The following MYO1F variants were observed in gnomAD, a reference collection of about 807,000 sequenced individuals.
The protein encoded by MYO1F is unconventional myosin-If.
MYO1F carries 60 observed loss-of-function variants against 146.6 expected under a neutral mutation model. The observed-to-expected ratio is 0.41, with a 90% CI of 0.33 to 0.51. The LOEUF is 0.51. Ranked by LOEUF, MYO1F falls within the 20% of genes least tolerant of loss-of-function variation. The probability of loss-of-function intolerance (pLI) is 0.25; values close to 1 mark genes in which losing one functional copy is unlikely to be tolerated. For missense variants in MYO1F, 1,274 were observed against 1,534.3 expected, an observed-to-expected ratio of 0.83 and a Z score of 2.83; for synonymous variants, 602 against 602.1, an observed-to-expected ratio of 1.00 and a Z score of 0.00.
intron 1 of MYO1F, among the ~76,000 whole-genome samples, chr19:8,560,338 A>G (rs1475691834): frequency 6.6e-6 from 1 of 151,468 alleles, no homozygotes; most frequent in Non-Finnish European, 1.5e-5. Flanking sequence ...CAAAAAAAGT[A>G]GCCGGGTGTG....
chr19:8,568,926 C>G (rs1412379441), intron 1 of MYO1F, among the ~76,000 whole-genome samples: 1 of 151,916 alleles, frequency 6.6e-6, no homozygotes, highest in Admixed American at 6.6e-5. Flanking sequence ...ATCTCAACAA[C>G]AACAAATAAC....
intron 19 of MYO1F, among the ~76,000 whole-genome samples, chr19:8,535,338 C>T (rs529704674): frequency 9.9e-5 from 15 of 152,142 alleles, no homozygotes; most frequent in Admixed American, 4.6e-4. Context: ...ATTTCTACCC[C>T]GTCCGTCTTC....
At chr19:8,566,958 T>A (rs1359167722) in intron 1 of MYO1F, among the ~76,000 whole-genome samples, 1 of 152,016 alleles carries the variant, frequency 6.6e-6, no homozygotes, top group African/African-American at 2.4e-5. Flanking sequence ...ATTACAGGCG[T>A]AAGCCACCAG....
chr19:8,538,772 A>G (rs1972836132), intron 16 of MYO1F, among the ~76,000 whole-genome samples: 1 of 151,818 alleles, frequency 6.6e-6, no homozygotes, highest in Non-Finnish European at 1.5e-5. Context: ...TTTATTTTTT[A>G]TAGAGACGGG....
intron 1 of MYO1F, among the ~76,000 whole-genome samples, chr19:8,561,166 G>A (rs947656754): frequency 6.6e-6 from 1 of 152,146 alleles, no homozygotes; most frequent in Non-Finnish European, 1.5e-5. Flanking sequence ...TTACAGGTGT[G>A]AGCCACTGTG....
At position 8,521,156 on chromosome 19, in the gene MYO1F, C is replaced by T; in HGVS notation, c.*372G>A. 2.8e-6 allele frequency: 1 copy of T among 351,222 alleles called. No individual in the cohort carries two copies. Among genetic ancestry groups the T allele is most frequent in the South Asian group, 2.5e-5 (1 of 40,264 alleles). The allele number at this position is 351,222 out of a possible 1,614,324, so 21.8% of individuals were successfully genotyped here. A position where few individuals can be genotyped will look rare whatever the true frequency, so the allele number is the denominator to read the frequency against. On this transcript the variant is annotated 3_prime_UTR_variant, in exon 28 of 28. Transcript: ENST00000644032. ...ATTGCCTTAGTGATGACAGAATGAGCAAAGTCACGCTTGTTAAGGACCCCC... is the reference window on the plus strand; with the variant it reads ...ATTGCCTTAGTGATGACAGAATGAGTAAAGTCACGCTTGTTAAGGACCCCC...
chr19:8,553,146 C>A lies in MYO1F; in HGVS notation c.497G>T (p.Ser166Ile), dbSNP rs376971437. 1 of 1,614,116 alleles carries A rather than the reference C, an allele frequency of 6.2e-7. No homozygotes were observed. The highest frequency in any genetic ancestry group is 8.5e-7 in the Non-Finnish European group (1 of 1,180,016). The change falls in exon 6 of 28, where the codon AGC becomes ATC. Residue 166 changes from serine (S) to isoleucine (I), a missense_variant. Transcript: ENST00000644032. ...AGGTCTGCAGAGACTTACAAAGCGGCTGGAATTGTTGTTGCGCACAGTCTT... is the reference window on the plus strand; with the variant it reads ...AGGTCTGCAGAGACTTACAAAGCGGATGGAATTGTTGTTGCGCACAGTCTT... Reference protein sequence around the residue: ...NAKTVRNNNSSRFGKYFEIQF... With the variant: ...NAKTVRNNNSIRFGKYFEIQF...
intron 1 of MYO1F, among the ~76,000 whole-genome samples, chr19:8,560,588 T>A (rs1330429779): frequency 1.3e-5 from 2 of 151,576 alleles, no homozygotes; most frequent in Non-Finnish European, 2.9e-5. Context: ...TTTGGTTTGG[T>A]TTTTGAGACA....
chr19:8,547,996 C>CCCCCCCCGCA, intron 12 of MYO1F, 40 bp downstream of exon 12: 3 of 1,100,022 alleles, frequency 2.7e-6, no homozygotes, highest in Non-Finnish European at 4.2e-6. Flanking sequence ...ACCCCACCCC[C>CCCCCCCCGCA]ACCCCAGGAT....
chr19:8,530,182 C>T lies in MYO1F; in HGVS notation c.2328+14G>A, dbSNP rs1972421752. On this transcript the variant is annotated intron_variant, in intron 21 of 27. Coordinates refer to ENST00000644032, the MANE Select transcript of MYO1F (RefSeq NM_012335.4). The surrounding 1 kb of genome is among the most constrained non-coding windows in gnomAD (Gnocchi z 5.8). Reference sequence around the variant, plus strand: ...TAGTCAGGGTCTTGCTGTGCCCACCCACTAGTGCCTCACCTTGAAGCGGCG... The same window carrying T: ...TAGTCAGGGTCTTGCTGTGCCCACCTACTAGTGCCTCACCTTGAAGCGGCG... 2 of 1,613,968 alleles carry T rather than the reference C, an allele frequency of 1.2e-6. No individual in the cohort carries two copies. Among genetic ancestry groups the T allele is most frequent in the Non-Finnish European group, 1.7e-6 (2 of 1,179,980 alleles).
chr19:8,522,236 A>C (rs1401827190), intron 27 of MYO1F, 141 bp downstream of exon 27: 4 of 1,033,120 alleles, frequency 3.9e-6, no homozygotes, highest in Non-Finnish European at 4.4e-6. Flanking sequence ...GTTAGCCAGG[A>C]TGGTCTCGAT....
chr19:8,559,336 T>TG (rs1156978401), intron 1 of MYO1F, among the ~76,000 whole-genome samples: 8,958 of 21,732 alleles, frequency 0.41, 919 homozygotes, highest in East Asian at 0.49. Context: ...CTTGAGGGGG[T>TG]GGGGGGTGGG....
chr19:8,551,723 T>C lies in MYO1F; in HGVS notation c.771+17A>G, dbSNP rs775262419. 1.2e-6 allele frequency: 2 copies of C among 1,613,824 alleles called. No individual in the cohort carries two copies. Among genetic ancestry groups the C allele is most frequent in the Non-Finnish European group, 1.7e-6 (2 of 1,179,954 alleles). Reference sequence around the variant, plus strand: ...AGGTCTGCCTGGCCGGGGACTGGAGTAGAGGCCGGTGCTCACCAGAGTCTC... The same window carrying C: ...AGGTCTGCCTGGCCGGGGACTGGAGCAGAGGCCGGTGCTCACCAGAGTCTC... On this transcript the variant is annotated intron_variant, in intron 8 of 27. Transcript: ENST00000644032.
chr19:8,566,334 A>AT (rs1175929358), intron 1 of MYO1F, among the ~76,000 whole-genome samples: 3 of 150,126 alleles, frequency 2.0e-5, no homozygotes, highest in Non-Finnish European at 3.0e-5. Flanking sequence ...TGCCCAGCTA[A>AT]TTTTTTGTAT....
At chr19:8,535,263 C>T (rs1271408388) in intron 19 of MYO1F, among the ~76,000 whole-genome samples, 1 of 152,108 alleles carries the variant, frequency 6.6e-6, no homozygotes. Flanking sequence ...AATATTCAGT[C>T]TGTCTTTGTT....
intron 25 of MYO1F, 98 bp from the exon 26 acceptor site, chr19:8,522,927 C>G (rs867592784): frequency 1.3e-5 from 14 of 1,070,072 alleles, no homozygotes; most frequent in African/African-American, 1.1e-4. Context: ...GAGGAGACTG[C>G]GACACTCTCA....
At chr19:8,561,375 TCCCTTCCC>T (rs1174541554) in intron 1 of MYO1F, among the ~76,000 whole-genome samples, 1 of 62,122 alleles carries the variant, frequency 1.6e-5, no homozygotes, top group African/African-American at 7.4e-5. Flanking sequence ...CCTCCCTCCC[TCCCTTCCC>T]CCCTTCTTTC....
chr19:8,541,467 C>T (rs182819869), intron 15 of MYO1F, among the ~76,000 whole-genome samples: 62 of 134,888 alleles, frequency 4.6e-4, no homozygotes, highest in Middle Eastern at 4.6e-3. Flanking sequence ...CTCCCTCTGT[C>T]GCCCAGGCTG....
intron 1 of MYO1F, among the ~76,000 whole-genome samples, chr19:8,574,582 TCTCTC>T: frequency 5.9e-5 from 5 of 85,166 alleles, no homozygotes; most frequent in African/African-American, 2.2e-4. Flanking sequence ...TTTCTTTCTC[TCTCTC>T]TCTCTCTCTC....
Sources: allele counts gnomAD v4.1 joint callset (sites outside exome capture counted in the v4.1 genomes callset), GRCh38; gene constraint gnomAD v4.1.1; non-coding constraint Gnocchi (gnomAD v3.1); transcripts MANE v1.5; gene names NCBI Gene and HGNC (gene_info 2026-07-23, HGNC 2026-07-21).